DOCK2: variants seen among roughly 807,000 people sequenced by gnomAD.
DOCK2 encodes dedicator of cytokinesis protein 2.
DOCK2 carries 87 observed loss-of-function variants against 248.9 expected under a neutral mutation model. That is an observed-to-expected ratio of 0.35 (90% confidence interval 0.29 to 0.42). The LOEUF (loss-of-function observed/expected upper bound fraction) is 0.42. DOCK2 is among the 10% of genes least tolerant of loss of function. The pLI is 1.00. For synonymous variants in DOCK2, 805 were observed against 821.6 expected, an observed-to-expected ratio of 0.98 and a Z score of 0.35; for missense variants, 1,747 against 2,300.2, an observed-to-expected ratio of 0.76 and a Z score of 4.92.
Position 170,076,216 on chromosome 5 carries a change from T to C in DOCK2, c.4866+132T>C, listed in dbSNP as rs916391298. 5.3e-6 allele frequency: 7 copies of C among 1,321,536 alleles called. No homozygotes were observed. In the African/African-American group the frequency reaches 1.0e-4, roughly 20 times the overall value. 81.9% of individuals were successfully genotyped at this position (1,321,536 alleles called of 1,614,324 possible). Reference sequence around the variant, plus strand: ...AAAGAGAAGATAATGATGGCCAGCATTGCTGGATCCCATCCAGGGGAACCC... The same window carrying C: ...AAAGAGAAGATAATGATGGCCAGCACTGCTGGATCCCATCCAGGGGAACCC... On this transcript the variant is annotated intron_variant, in intron 47 of 51. Transcript: ENST00000520908.
At chr5:169,850,324 A>G (rs1770558214) in intron 27 of DOCK2, among the ~76,000 whole-genome samples, 1 of 152,188 alleles carries the variant, frequency 6.6e-6, no homozygotes, top group Non-Finnish European at 1.5e-5. Context: ...TAGGATTTGT[A>G]TCCCATCCGA....
intron 27 of DOCK2, among the ~76,000 whole-genome samples, chr5:169,981,797 A>G (rs1463295540): frequency 6.6e-6 from 1 of 152,204 alleles, no homozygotes. Flanking sequence ...ATTAAGGTTT[A>G]TGTTCTCAAA....
At chr5:169,842,403 G>C (rs1390674026) in intron 27 of DOCK2, among the ~76,000 whole-genome samples, 1 of 152,102 alleles carries the variant, frequency 6.6e-6, no homozygotes, top group Non-Finnish European at 1.5e-5. Flanking sequence ...TGTCGCCCAG[G>C]CTGGAGTACA....
chr5:170,075,846 T>C (rs1300174389), intron 46 of DOCK2, 101 bp from the exon 47 acceptor site: 1 of 1,504,894 alleles, frequency 6.6e-7, no homozygotes, highest in African/African-American at 1.4e-5. Flanking sequence ...CTTGATGAAT[T>C]CTTAGCAGGC....
intron 26 of DOCK2, among the ~76,000 whole-genome samples, chr5:169,838,367 C>T (rs989493202): frequency 6.6e-6 from 1 of 152,194 alleles, no homozygotes; most frequent in Non-Finnish European, 1.5e-5. Context: ...GTTTCTTCAT[C>T]TGAACAATGG....
At chr5:169,874,052 C>T (rs952374297) in intron 27 of DOCK2, among the ~76,000 whole-genome samples, 1 of 152,068 alleles carries the variant, frequency 6.6e-6, no homozygotes, top group Non-Finnish European at 1.5e-5. Flanking sequence ...ATCTCCTTTA[C>T]AGAATCCATA....
chr5:169,906,324 C>T (rs111380330), intron 27 of DOCK2, among the ~76,000 whole-genome samples: 3,470 of 152,232 alleles, frequency 0.023, 55 homozygotes, highest in Middle Eastern at 0.065. Flanking sequence ...GGCTCCCAAG[C>T]CAGTGTGTGC....
intron 27 of DOCK2, among the ~76,000 whole-genome samples, chr5:169,927,672 A>G (rs912592125): frequency 6.6e-6 from 1 of 152,246 alleles, no homozygotes; most frequent in African/African-American, 2.4e-5. Flanking sequence ...GCTGGAGTGC[A>G]GTGGCACAAT....
At chr5:169,780,485 C>G (rs1359447969) in intron 25 of DOCK2, among the ~76,000 whole-genome samples, 1 of 152,292 alleles carries the variant, frequency 6.6e-6, no homozygotes, top group African/African-American at 2.4e-5. Flanking sequence ...GGTTTCCTCC[C>G]TGTTCGTATT....
At chr5:169,826,923 A>T (rs1002232030) in intron 26 of DOCK2, among the ~76,000 whole-genome samples, 18 of 151,754 alleles carry the variant, frequency 1.2e-4, no homozygotes, top group African/African-American at 4.1e-4. Context: ...GTTCTTCCCT[A>T]GTCCTATGCT....
At chr5:169,912,813 T>C (rs1331849220) in intron 27 of DOCK2, among the ~76,000 whole-genome samples, 1 of 152,078 alleles carries the variant, frequency 6.6e-6, no homozygotes, top group Admixed American at 6.5e-5. Context: ...ACCAGAGTGT[T>C]GAGATTTTTT....
intron 1 of DOCK2, among the ~76,000 whole-genome samples, chr5:169,639,002 T>C (rs1280610494): frequency 2.0e-5 from 3 of 152,326 alleles, no homozygotes; most frequent in Non-Finnish European, 4.4e-5. Context: ...TTGGTTTTAG[T>C]ATTGCTTTTA....
intron 29 of DOCK2, among the ~76,000 whole-genome samples, chr5:169,988,035 G>A (rs1295919654): frequency 1.3e-5 from 2 of 152,134 alleles, no homozygotes; most frequent in Non-Finnish European, 2.9e-5. Flanking sequence ...ACAGTGCCAG[G>A]ATCAAGGAAA....
chr5:169,810,978 C>T (rs1767705935), intron 26 of DOCK2, among the ~76,000 whole-genome samples: 1 of 133,766 alleles, frequency 7.5e-6, no homozygotes, highest in African/African-American at 3.3e-5. Flanking sequence ...CAGACTCTCT[C>T]TCTCTCTCTC....
At chr5:169,789,911 A>G (rs1339869200) in intron 25 of DOCK2, among the ~76,000 whole-genome samples, 1 of 152,062 alleles carries the variant, frequency 6.6e-6, no homozygotes, top group Non-Finnish European at 1.5e-5. Context: ...TCCTCTTTGA[A>G]GTTTGCTTCC....
rs192450469 is a variant in DOCK2, at chr5:169,853,287, G to T, written c.2799+12435G>T. ...TGTGTTTCTTAGCAGCAGGAAAATG[G>T]ACTAATCCACTGCCCCTGGGAAAAT... is the stretch of plus-strand genomic sequence containing the variant. On this transcript the variant is annotated intron_variant, in intron 27 of 51. Transcript: ENST00000520908. Among the ~76,000 whole-genome samples, 43 of 152,280 alleles carry T rather than the reference G, an allele frequency of 2.8e-4. 1 individual carries two copies. Among genetic ancestry groups the T allele is most frequent in the African/African-American group, 1.0e-3 (43 of 41,564 alleles).
In DOCK2 at chr5:170,056,732, G is replaced by A; in HGVS notation, c.4344G>A (p.Val1448=). The change falls in exon 43 of 52, where the codon GTG becomes GTA. Residue 1448 remains valine, a synonymous_variant. Transcript: ENST00000520908. The part of the protein sequence containing the change: ...YVQRFHYSRP[V]RRGTVDPENE... ...AAAGGTTCCACTACTCCCGGCCCGT[G>A]CGCAGGGGGACCGTAGACCCAGAGA... 1 of 1,614,064 alleles carries A rather than the reference G, an allele frequency of 6.2e-7. No individual in the cohort carries two copies. Among genetic ancestry groups the A allele is most frequent in the Non-Finnish European group, 8.5e-7 (1 of 1,179,982 alleles).
At chr5:169,854,200 T>C (rs1238118050) in intron 27 of DOCK2, among the ~76,000 whole-genome samples, 1 of 150,166 alleles carries the variant, frequency 6.7e-6, no homozygotes, top group Non-Finnish European at 1.5e-5. Flanking sequence ...TTTTTTTTTT[T>C]TTTGAGACAA....
At chr5:169,660,757 T>C (rs796627622) in intron 2 of DOCK2, among the ~76,000 whole-genome samples, 10 of 152,368 alleles carry the variant, frequency 6.6e-5, no homozygotes, top group African/African-American at 2.4e-4. Flanking sequence ...TGCAAGGTGA[T>C]AGTCTTTTGT....
Sources: allele counts gnomAD v4.1 joint callset (sites outside exome capture counted in the v4.1 genomes callset), GRCh38; gene constraint gnomAD v4.1.1; transcripts MANE v1.5; gene names NCBI Gene and HGNC (gene_info 2026-07-23, HGNC 2026-07-21).